Variants in RSBN1L observed in about 807,000 individuals in gnomAD.
RSBN1L encodes round spermatid basic protein 1 like, also known as lysine-specific demethylase RSBN1L.
RSBN1L carries 30 observed loss-of-function variants against 67.7 expected under a neutral mutation model. That is an observed-to-expected ratio of 0.44 (90% CI 0.33 to 0.60). The LOEUF is 0.60. Among genes scored for constraint, RSBN1L ranks in the 20% least tolerant of loss-of-function variants. The probability of loss-of-function intolerance (pLI) is 0.02; values close to 1 mark genes in which losing one functional copy is unlikely to be tolerated. For missense variants in RSBN1L, 992 were observed against 1,031.7 expected (o/e 0.96, Z 0.53); for synonymous variants, 433 against 387.0 (o/e 1.12, Z -1.39).
rs546388240 is a variant in RSBN1L, at chr7:77,734,650, G to A, written c.587-1760G>A. ...ATTACAGGCATGCACCACCACATCCGGCTAATTTTTGTATTTTTAGTATAG... is the reference window on the plus strand; with the variant it reads ...ATTACAGGCATGCACCACCACATCCAGCTAATTTTTGTATTTTTAGTATAG... On this transcript the variant is annotated intron_variant, in intron 1 of 7. Coordinates refer to ENST00000334955, the MANE Select transcript of RSBN1L (RefSeq NM_198467.3). 5.3e-5 allele frequency among the ~76,000 whole-genome samples: 8 copies of A among 152,034 alleles called. No individual in the cohort carries two copies. In the East Asian group the frequency reaches 1.4e-3, roughly 26 times the overall value.
At chr7:77,728,750 A>G (rs914999078) in intron 1 of RSBN1L, among the ~76,000 whole-genome samples, 3 of 152,128 alleles carry the variant, frequency 2.0e-5, no homozygotes, top group Admixed American at 6.5e-5. Context: ...TACTTTTTCT[A>G]ATGTAAAACT....
At chr7:77,777,178 C>T (rs1791929487) in intron 6 of RSBN1L, among the ~76,000 whole-genome samples, 1 of 151,954 alleles carries the variant, frequency 6.6e-6, no homozygotes, top group Admixed American at 6.6e-5. Context: ...TCCCCCCTCA[C>T]ATTTCTGGCC....
At chr7:77,744,795 T>G (rs989229671) in intron 2 of RSBN1L, among the ~76,000 whole-genome samples, 1 of 152,226 alleles carries the variant, frequency 6.6e-6, no homozygotes, top group Admixed American at 6.5e-5. Flanking sequence ...TGTTGACAGA[T>G]TACTGTTTTT....
intron 1 of RSBN1L, among the ~76,000 whole-genome samples, chr7:77,720,199 T>C (rs1489412846): frequency 6.6e-6 from 1 of 152,222 alleles, no homozygotes; most frequent in Non-Finnish European, 1.5e-5. Context: ...AATAGCTACA[T>C]TTGTCCAGTG....
At chr7:77,722,921 T>C (rs539253200) in intron 1 of RSBN1L, among the ~76,000 whole-genome samples, 2 of 151,894 alleles carry the variant, frequency 1.3e-5, no homozygotes, top group Non-Finnish European at 2.9e-5. Context: ...AACAATATAT[T>C]GTGACTGAAA....
Position 77,778,466 on chromosome 7 carries a change from T to A in RSBN1L, c.1902+20T>A. The stretch of plus-strand genomic sequence containing the variant: ...TCCCAGGTATTTTTAATACACTTAC[T>A]GTCTTTGGTTTAGTTTTTATTATGA... On this transcript the variant is annotated intron_variant, in intron 7 of 7. Transcript: ENST00000334955. 1 of 1,597,022 alleles carries A rather than the reference T, an allele frequency of 6.3e-7. No homozygotes were observed. Among genetic ancestry groups the A allele is most frequent in the Non-Finnish European group, 8.5e-7 (1 of 1,171,318 alleles).
intron 3 of RSBN1L, among the ~76,000 whole-genome samples, chr7:77,755,189 AG>A (rs1334311782): frequency 6.6e-6 from 1 of 152,220 alleles, no homozygotes; most frequent in Non-Finnish European, 1.5e-5. Flanking sequence ...TATAAACCAC[AG>A]CAAAAACAAA....
intron 1 of RSBN1L, among the ~76,000 whole-genome samples, chr7:77,724,858 T>A (rs1193337938): frequency 1.1e-4 from 17 of 151,790 alleles, no homozygotes; most frequent in Admixed American, 8.5e-4. Flanking sequence ...TTTTTTTTTT[T>A]TGAGACGGAG....
chr7:77,741,424 G>T (rs1482397848), intron 2 of RSBN1L, among the ~76,000 whole-genome samples: 1 of 151,966 alleles, frequency 6.6e-6, no homozygotes, highest in African/African-American at 2.4e-5. Context: ...AGATGTGGTG[G>T]CTCACGCCTG....
intron 1 of RSBN1L, among the ~76,000 whole-genome samples, chr7:77,720,513 C>G (rs983444791): frequency 1.3e-5 from 2 of 151,894 alleles, no homozygotes; most frequent in African/African-American, 2.4e-5. Context: ...GAGCTGAGAT[C>G]GTGCCATTGC....
chr7:77,712,345 C>T (rs1025427591), intron 1 of RSBN1L, among the ~76,000 whole-genome samples: 7 of 150,784 alleles, frequency 4.6e-5, no homozygotes, highest in Non-Finnish European at 1.5e-5. Context: ...TGCAGTGGTG[C>T]AGTCTCGGCT....
At chr7:77,754,222 T>C (rs974519495) in intron 3 of RSBN1L, among the ~76,000 whole-genome samples, 2 of 152,166 alleles carry the variant, frequency 1.3e-5, no homozygotes, top group African/African-American at 4.8e-5. Flanking sequence ...ATCTCAATAA[T>C]CTAGAATCGG....
chr7:77,743,315 T>C (rs1383035215), intron 2 of RSBN1L, among the ~76,000 whole-genome samples: 4 of 152,088 alleles, frequency 2.6e-5, no homozygotes, highest in Non-Finnish European at 2.9e-5. Context: ...TAAGAATCTC[T>C]TGGCCAGGTG....
At chr7:77,764,230 G>C (rs1365744766) in intron 3 of RSBN1L, among the ~76,000 whole-genome samples, 1 of 152,182 alleles carries the variant, frequency 6.6e-6, no homozygotes, top group Non-Finnish European at 1.5e-5. Flanking sequence ...GTCCACAAAG[G>C]CTAATCCAGA....
intron 1 of RSBN1L, among the ~76,000 whole-genome samples, chr7:77,720,398 T>C (rs1791099573): frequency 6.6e-6 from 1 of 151,886 alleles, no homozygotes; most frequent in Non-Finnish European, 1.5e-5. Flanking sequence ...CCGGGTCTAC[T>C]AAAAATACAA....
chr7:77,702,541 CTTCAT>C (rs1051692004), intron 1 of RSBN1L, among the ~76,000 whole-genome samples: 25 of 151,856 alleles, frequency 1.6e-4, no homozygotes, highest in African/African-American at 5.8e-4. Context: ...TGTTTTTAAT[CTTCAT>C]TTCTTTTCTC....
intron 6 of RSBN1L, among the ~76,000 whole-genome samples, chr7:77,776,799 T>C (rs2150435281): frequency 6.6e-6 from 1 of 152,260 alleles, no homozygotes; most frequent in South Asian, 2.1e-4. Flanking sequence ...TATGTCTATA[T>C]TATTGTTACA....
intron 1 of RSBN1L, among the ~76,000 whole-genome samples, chr7:77,731,278 A>G (rs1162903819): frequency 1.3e-5 from 2 of 151,916 alleles, no homozygotes; most frequent in Non-Finnish European, 2.9e-5. Context: ...CAGTGGCACG[A>G]TCTCTGCTCC....
chr7:77,769,809 A>G (rs1280323804), intron 5 of RSBN1L, among the ~76,000 whole-genome samples: 1 of 152,226 alleles, frequency 6.6e-6, no homozygotes, highest in Non-Finnish European at 1.5e-5. Flanking sequence ...TGAATATAGC[A>G]TTAATATTAT....
Sources: gnomAD v4.1 joint callset for allele counts (sites outside exome capture counted in the v4.1 genomes callset) on GRCh38, gnomAD v4.1.1 for gene constraint, MANE v1.5 for transcripts, NCBI Gene and HGNC (gene_info 2026-07-23, HGNC 2026-07-21) for gene names.